The following VTI1A variants were observed in gnomAD, a reference collection of about 807,000 sequenced individuals.
The protein encoded by VTI1A is vesicle transport through interaction with t-SNAREs 1A, also known as vesicle transport through interaction with t-SNAREs homolog 1A.
Under a neutral mutation model 34.9 loss-of-function variants are expected in VTI1A, and 22 were observed. The observed-to-expected ratio is 0.63, with a 90% CI of 0.45 to 0.90. VTI1A has a LOEUF of 0.90. Ranked by LOEUF, VTI1A falls within the 40% of genes least tolerant of loss-of-function variation. The probability of loss-of-function intolerance (pLI) is 0.00; values close to 1 mark genes in which losing one functional copy is unlikely to be tolerated. For missense variants in VTI1A, 268 were observed against 275.6 expected (o/e 0.97, Z 0.20); for synonymous variants, 87 against 97.3 (o/e 0.89, Z 0.62).
chr10:112,766,891 C>T (rs1193857279), intron 7 of VTI1A, among the ~76,000 whole-genome samples: 1 of 152,184 alleles, frequency 6.6e-6, no homozygotes, highest in Non-Finnish European at 1.5e-5. Flanking sequence ...AGGATTTCTT[C>T]ATTTGAAGCT....
intron 7 of VTI1A, among the ~76,000 whole-genome samples, chr10:112,681,915 T>G (rs1848230363): frequency 1.3e-5 from 2 of 152,172 alleles, no homozygotes; most frequent in Non-Finnish European, 2.9e-5. Context: ...ATACTGAATC[T>G]TTTCATGTGT....
the VTI1A span, among the ~76,000 whole-genome samples, chr10:112,844,705 C>A: frequency 6.6e-6 from 1 of 152,120 alleles, no homozygotes; most frequent in Non-Finnish European, 1.5e-5. Context: ...GGCGTGTAAT[C>A]CTTTTTTATA....
At chr10:112,579,412 G>A (rs1843835414) in intron 5 of VTI1A, among the ~76,000 whole-genome samples, 1 of 152,044 alleles carries the variant, frequency 6.6e-6, no homozygotes, top group Non-Finnish European at 1.5e-5. Flanking sequence ...ATAAAAAATG[G>A]TGCATCTGGC....
intron 5 of VTI1A, among the ~76,000 whole-genome samples, chr10:112,571,492 T>C (rs1852118341): frequency 1.3e-5 from 2 of 152,132 alleles, no homozygotes; most frequent in Admixed American, 1.3e-4. Context: ...AAATAACAGA[T>C]ATTGGCGATG....
chr10:112,613,900 A>G (rs930530866), intron 5 of VTI1A, among the ~76,000 whole-genome samples: 4 of 151,990 alleles, frequency 2.6e-5, no homozygotes, highest in Non-Finnish European at 5.9e-5. Context: ...TTAAGCTCAT[A>G]TTGCTGTGCT....
intron 5 of VTI1A, among the ~76,000 whole-genome samples, chr10:112,546,172 C>T (rs1489262493): frequency 6.6e-6 from 1 of 150,580 alleles, no homozygotes; most frequent in Non-Finnish European, 1.5e-5. Context: ...TATATATACA[C>T]ACACACACAT....
In VTI1A at chr10:112,818,603, T is replaced by C; in HGVS notation, c.*3220T>C. Reference sequence around the variant, plus strand: ...CAGCCGTCAGTCCCAGAGGGGCTCATTAAATCATAAAAACTTGACAAGGAA... The same window carrying C: ...CAGCCGTCAGTCCCAGAGGGGCTCACTAAATCATAAAAACTTGACAAGGAA... On this transcript the variant is annotated 3_prime_UTR_variant, in exon 8 of 8. Transcript: ENST00000393077. 1 of 220,734 alleles carries C rather than the reference T, an allele frequency of 4.5e-6. No individual in the cohort carries two copies. Among genetic ancestry groups the C allele is most frequent in the East Asian group, 6.6e-5 (1 of 15,040 alleles). 13.7% of individuals were successfully genotyped at this position (220,734 alleles called of 1,614,324 possible). A position where few individuals can be genotyped will look rare whatever the true frequency, so the allele number is the denominator to read the frequency against.
intron 3 of VTI1A, among the ~76,000 whole-genome samples, chr10:112,511,661 A>G (rs139772336): frequency 3.0e-4 from 46 of 152,166 alleles, no homozygotes; most frequent in African/African-American, 1.1e-3. Context: ...AATTTGTTCC[A>G]TCTTACTGAA....
At chr10:112,689,310 T>G (rs553524458) in intron 7 of VTI1A, among the ~76,000 whole-genome samples, 1 of 152,300 alleles carries the variant, frequency 6.6e-6, no homozygotes, top group African/African-American at 2.4e-5. Context: ...TGCTTGGAAA[T>G]GTCATCAGTA....
In VTI1A at chr10:112,798,189, G is replaced by A. The variant is rs146614758; in HGVS notation, c.561-17101G>A. On this transcript the variant is annotated intron_variant, in intron 7 of 7. Transcript: ENST00000393077. Reference sequence around the variant, plus strand: ...CAATGCTGTGCAGGTGGGACCCTCAGGGGGCTCTGCTGCTCCAGGGTCGAC... The same window carrying A: ...CAATGCTGTGCAGGTGGGACCCTCAAGGGGCTCTGCTGCTCCAGGGTCGAC... Among the ~76,000 whole-genome samples the A allele has an allele frequency of 1.1e-4, 17 of 152,238 alleles. No individual in the cohort carries two copies. The East Asian group carries it at 3.3e-3, about 29-fold the overall frequency.
At chr10:112,521,526 T>C (rs982401232) in intron 3 of VTI1A, among the ~76,000 whole-genome samples, 2 of 152,028 alleles carry the variant, frequency 1.3e-5, no homozygotes, top group African/African-American at 4.8e-5. Flanking sequence ...CATTTGTTTA[T>C]AACATTTAAA....
chr10:112,739,791 G>A (rs957125333), intron 7 of VTI1A, among the ~76,000 whole-genome samples: 1 of 152,238 alleles, frequency 6.6e-6, no homozygotes, highest in African/African-American at 2.4e-5. Flanking sequence ...CCATCCAGAT[G>A]TGTGTGGAGT....
rs1184715891 is a variant in VTI1A, at chr10:112,817,588, T to A, written c.*2205T>A. On this transcript the variant is annotated 3_prime_UTR_variant, in exon 8 of 8. Coordinates refer to ENST00000393077, the MANE Select transcript of VTI1A (RefSeq NM_145206.4). ...AGAGCAACTACCTAGGCCAGGCTAG[T>A]GAGTGCTTTGTGAGGAAGCTGGTCA... The A allele has an allele frequency of 4.4e-6, 1 of 229,098 alleles. No individual in the cohort carries two copies. Among genetic ancestry groups the A allele is most frequent in the Non-Finnish European group, 8.7e-6 (1 of 115,426 alleles). The allele number at this position is 229,098 out of a possible 1,614,324, so 14.2% of individuals were successfully genotyped here.
At chr10:112,448,231 A>AC (rs1415453572) in intron 1 of VTI1A, among the ~76,000 whole-genome samples, 6 of 151,286 alleles carry the variant, frequency 4.0e-5, no homozygotes, top group Non-Finnish European at 7.4e-5. Context: ...CATACCCCCC[A>AC]CCCCCATTTC....
intron 7 of VTI1A, among the ~76,000 whole-genome samples, chr10:112,711,598 C>T (rs1441106394): frequency 6.6e-6 from 1 of 152,164 alleles, no homozygotes; most frequent in Non-Finnish European, 1.5e-5. Context: ...AGCCAGCCCT[C>T]GAATCAGAGC....
rs189026524 is a variant in VTI1A at position 112,496,199 on chromosome 10, C to G, written c.265-30888C>G. Among the ~76,000 whole-genome samples the G allele has an allele frequency of 8.3e-3, 965 of 116,362 alleles. 143 individuals carry two copies. Among genetic ancestry groups the G allele is most frequent in the African/African-American group, 0.028 (885 of 31,270 alleles). 76.3% of individuals were successfully genotyped at this position (116,362 alleles called of 152,430 possible). A position where few individuals can be genotyped will look rare whatever the true frequency, so the allele number is the denominator to read the frequency against. ...CAAATGGGGAGACCCCCCCCCCCCC[C>G]CCGCCGTCTCTAAACAAAATAAAAA... On this transcript the variant is annotated intron_variant, in intron 3 of 7. Transcript: ENST00000393077.
Position 112,447,286 on chromosome 10 carries a change from G to A in VTI1A, c.-88G>A. On this transcript the variant is annotated 5_prime_UTR_variant, in exon 1 of 8. Coordinates refer to ENST00000393077, the MANE Select transcript of VTI1A (RefSeq NM_145206.4). ...TTCTGCTCTCGGGGGCACCTTCCGGGGTTCCTAAGCCGCGGGGCCCCTCGC... is the reference window on the plus strand; with the variant it reads ...TTCTGCTCTCGGGGGCACCTTCCGGAGTTCCTAAGCCGCGGGGCCCCTCGC... 1 of 1,433,026 alleles carries A rather than the reference G, an allele frequency of 7.0e-7. No individual in the cohort carries two copies. The highest frequency in any genetic ancestry group is 9.5e-7 in the Non-Finnish European group (1 of 1,051,030). The allele number at this position is 1,433,026 out of a possible 1,614,324, so 88.8% of individuals were successfully genotyped here. A position where few individuals can be genotyped will look rare whatever the true frequency, so the allele number is the denominator to read the frequency against.
At chr10:112,528,860 T>C (rs12246635) in intron 4 of VTI1A, among the ~76,000 whole-genome samples, 20,390 of 152,128 alleles carry the variant, frequency 0.13, 1,618 homozygotes, top group East Asian at 0.27. Flanking sequence ...AGTTCTATGA[T>C]AGGGATCCCT....
At position 112,618,514 on chromosome 10, in the gene VTI1A, T is replaced by TAGAGAGAG. The variant is rs1418805647; in HGVS notation, c.428-49703_428-49702insGAGAGAGA. On this transcript the variant is annotated intron_variant, in intron 5 of 7. Transcript: ENST00000393077. Reference sequence around the variant, plus strand: ...TTATATATATATATATATATATATATATATATATATAGAGAGAGAGAGAGA... The same window carrying TAGAGAGAG: ...TTATATATATATATATATATATATATAGAGAGAGATATATATATAGAGAGAGAGAGAGA... Among the ~76,000 whole-genome samples the TAGAGAGAG allele has an allele frequency of 6.4e-3, 271 of 42,444 alleles. 7 individuals are homozygous for TAGAGAGAG. Among genetic ancestry groups the TAGAGAGAG allele is most frequent in the Non-Finnish European group, 7.1e-3 (180 of 25,510 alleles). 27.8% of individuals were successfully genotyped at this position (42,444 alleles called of 152,430 possible).
Sources: allele counts gnomAD v4.1 joint callset (sites outside exome capture counted in the v4.1 genomes callset), GRCh38; gene constraint gnomAD v4.1.1; transcripts MANE v1.5; gene names NCBI Gene and HGNC (gene_info 2026-07-23, HGNC 2026-07-21).